The following CYP39A1 variants were observed in gnomAD, a reference collection of about 807,000 sequenced individuals.
The protein encoded by CYP39A1 is cytochrome P450 family 39 subfamily A member 1.
Under a neutral mutation model 58.1 loss-of-function variants are expected in CYP39A1, and 49 were observed. The ratio of observed to expected loss-of-function variants is 0.84; its 90% CI spans 0.67 to 1.07. The LOEUF (loss-of-function observed/expected upper bound fraction) is 1.07, where lower values mean the gene tolerates loss of function less well. CYP39A1 is among the 50% of genes least tolerant of loss of function. The pLI is 0.00. For synonymous variants in CYP39A1, 209 were observed against 187.6 expected (o/e 1.11, Z -0.93); for missense variants, 531 against 539.4 (o/e 0.98, Z 0.16).
chr6:46,606,446 T>A (rs918284995), intron 7 of CYP39A1, among the ~76,000 whole-genome samples: 1 of 152,184 alleles, frequency 6.6e-6, no homozygotes, highest in African/African-American at 2.4e-5. Flanking sequence ...ACCCATACTG[T>A]GCATACTTCA....
rs909718171 is a variant in CYP39A1 at position 46,583,239 on chromosome 6, A to T, written c.1250+3838T>A. On this transcript the variant is annotated intron_variant, in intron 10 of 11. Coordinates refer to ENST00000275016, the MANE Select transcript of CYP39A1 (RefSeq NM_016593.5). ...AAGCAGATTAATCTTGCCAAAGATC[A>T]GGGCTGTTGTTTTACACTGGAGTTT... is the stretch of plus-strand genomic sequence containing the variant. The T allele has an allele frequency of 2.1e-5, 21 of 985,424 alleles. No individual in the cohort carries two copies. In the Admixed American group the frequency reaches 1.0e-3, roughly 49 times the overall value. 61.0% of individuals were successfully genotyped at this position (985,424 alleles called of 1,614,324 possible).
In CYP39A1 at chr6:46,587,097, C is replaced by G. The variant is rs759279289; in HGVS notation, c.1230G>C (p.Gly410=). ...CTGACCTTGCAGGACACTGGAACTT[C>G]CCGCTTCCAAATGCCATGAAGCAGT... ...FLDCFMAFGS[G]KFQCPARWFA... Residue 410 remains glycine (G), a synonymous_variant, in exon 10 of 12, where the codon GGG becomes GGC. Coordinates refer to ENST00000275016, the MANE Select transcript of CYP39A1 (RefSeq NM_016593.5). 3 of 1,611,594 alleles carry G rather than the reference C, an allele frequency of 1.9e-6. No homozygotes were observed. The African/African-American group carries it at 4.0e-5, about 22-fold the overall frequency.
chr6:46,586,435 A>G (rs1054598794), intron 10 of CYP39A1: 16 of 973,382 alleles, frequency 1.6e-5, no homozygotes, highest in East Asian at 1.1e-4. Context: ...GGTCTTCCTC[A>G]GTGCTCTCTG....
intron 1 of CYP39A1, among the ~76,000 whole-genome samples, chr6:46,644,295 T>C (rs887130251): frequency 2.0e-5 from 3 of 152,234 alleles, no homozygotes; most frequent in African/African-American, 7.2e-5. Context: ...CCAAATTGTG[T>C]GTATCAATCA....
intron 7 of CYP39A1, among the ~76,000 whole-genome samples, chr6:46,621,412 T>G (rs1774945970): frequency 6.6e-6 from 1 of 151,946 alleles, no homozygotes; most frequent in Non-Finnish European, 1.5e-5. Flanking sequence ...AAAACAAAAT[T>G]GACAAATATG....
At chr6:46,612,883 G>C (rs1436016247) in intron 7 of CYP39A1, among the ~76,000 whole-genome samples, 2 of 152,184 alleles carry the variant, frequency 1.3e-5, no homozygotes, top group Non-Finnish European at 2.9e-5. Context: ...GTGAGCATGA[G>C]CTTAAGTTCA....
At chr6:46,610,190 A>G (rs1582394256) in intron 7 of CYP39A1, among the ~76,000 whole-genome samples, 1 of 152,302 alleles carries the variant, frequency 6.6e-6, no homozygotes, top group South Asian at 2.1e-4. Context: ...TATAAAGTTG[A>G]TTTTTATTGG....
chr6:46,607,943 G>T (rs1055034462), intron 7 of CYP39A1, among the ~76,000 whole-genome samples: 1 of 152,092 alleles, frequency 6.6e-6, no homozygotes, highest in East Asian at 1.9e-4. Flanking sequence ...AGAACAGCTT[G>T]TTTAAAATAT....
intron 10 of CYP39A1, among the ~76,000 whole-genome samples, chr6:46,566,589 G>T (rs1771294890): frequency 6.6e-6 from 1 of 152,100 alleles, no homozygotes; most frequent in African/African-American, 2.4e-5. Context: ...GACACATGGG[G>T]ATTATGGGGA....
intron 10 of CYP39A1, among the ~76,000 whole-genome samples, chr6:46,565,696 A>C (rs1180089226): frequency 6.6e-6 from 1 of 152,132 alleles, no homozygotes; most frequent in Non-Finnish European, 1.5e-5. Flanking sequence ...GCTTGGACCA[A>C]GGAGCAGGGA....
intron 7 of CYP39A1, among the ~76,000 whole-genome samples, chr6:46,617,166 T>G (rs1048844057): frequency 6.6e-6 from 1 of 152,148 alleles, no homozygotes; most frequent in Non-Finnish European, 1.5e-5. Flanking sequence ...ATCATATTGT[T>G]TTGGAAAACA....
intron 10 of CYP39A1, among the ~76,000 whole-genome samples, chr6:46,584,248 G>A (rs1443256266): frequency 6.6e-6 from 1 of 152,038 alleles, no homozygotes; most frequent in Non-Finnish European, 1.5e-5. Context: ...ACTTGATGAG[G>A]TTTCTTAAAT....
chr6:46,612,244 A>G (rs1774259551), intron 7 of CYP39A1, among the ~76,000 whole-genome samples: 1 of 152,210 alleles, frequency 6.6e-6, no homozygotes. Flanking sequence ...GGTAGAAAAC[A>G]GTGGAAGAAA....
At position 46,609,113 on chromosome 6, in the gene CYP39A1, T is replaced by C. The variant is rs116339960; in HGVS notation, c.932-12993A>G. On this transcript the variant is annotated intron_variant, in intron 7 of 11. Coordinates refer to ENST00000275016, the MANE Select transcript of CYP39A1 (RefSeq NM_016593.5). ...TTTGATTACCGAATAGAAAAATCAA[T>C]TTTAGGGCCAGGCACCGTGGGCTCA... is the stretch of plus-strand genomic sequence containing the variant. Among the ~76,000 whole-genome samples the C allele has an allele frequency of 8.3e-3, 1,259 of 151,866 alleles. 3 individuals carry two copies. Among genetic ancestry groups the C allele is most frequent in the Non-Finnish European group, 0.014 (936 of 67,906 alleles).
rs570334213 is a variant in CYP39A1, at chr6:46,613,584, A to G, written c.931+11834T>C. On this transcript the variant is annotated intron_variant, in intron 7 of 11. Coordinates refer to ENST00000275016, the MANE Select transcript of CYP39A1 (RefSeq NM_016593.5). ...ATTGTTTAAATAAAGGCAAAGTAAA[A>G]CTGATCAGCAAAAAAATAAAATAAA... Among the ~76,000 whole-genome samples the G allele has an allele frequency of 6.6e-5, 10 of 152,326 alleles. No individual in the cohort carries two copies. The South Asian group carries it at 2.1e-3, about 32-fold the overall frequency.
At position 46,550,250 on chromosome 6, in the gene CYP39A1, TA is replaced by T; in HGVS notation, c.*115del. ...GCACCATTTGAATGTGTTCTTGAAC[TA>T]AGTCCTAAAACAAAGTGAAGCAGTG... On this transcript the variant is annotated 3_prime_UTR_variant, in exon 12 of 12. Transcript: ENST00000275016. The T allele has an allele frequency of 1.4e-6, 1 of 722,092 alleles. No homozygotes were observed. Among genetic ancestry groups the T allele is most frequent in the Non-Finnish European group, 2.3e-6 (1 of 437,914 alleles). 44.7% of individuals were successfully genotyped at this position (722,092 alleles called of 1,614,324 possible). A position where few individuals can be genotyped will look rare whatever the true frequency, so the allele number is the denominator to read the frequency against.
intron 7 of CYP39A1, among the ~76,000 whole-genome samples, chr6:46,607,464 TACACACACACAC>T (rs3839568): frequency 6.9e-6 from 1 of 145,512 alleles, no homozygotes; most frequent in East Asian, 2.0e-4. Context: ...CCCTTCCCCC[TACACACACACAC>T]ACACACACAC....
Position 46,636,408 on chromosome 6 carries a change from G to C in CYP39A1, c.713C>G (p.Ser238Cys), listed in dbSNP as rs147866724. ...ACTTACCATGGAATTATCTTTTGCA[G>C]ATTTACATGCTTTTATATCTGGAAT... Reference protein sequence around the residue: ...KNIPDIKACKSAKDNSMTLLQ... With the variant: ...KNIPDIKACKCAKDNSMTLLQ... Residue 238 changes from serine to cysteine, a missense_variant, in exon 5 of 12, where the codon TCT becomes TGT. Transcript: ENST00000275016. The C allele has an allele frequency of 4.0e-3, 6,455 of 1,605,750 alleles. 15 individuals carry two copies. The highest frequency in any genetic ancestry group is 4.9e-3 in the Non-Finnish European group (5,723 of 1,176,186).
At chr6:46,566,629 T>C (rs1203299773) in intron 10 of CYP39A1, among the ~76,000 whole-genome samples, 1 of 152,038 alleles carries the variant, frequency 6.6e-6, no homozygotes, top group Non-Finnish European at 1.5e-5. Context: ...CAATGAGATT[T>C]GGGTGGGGAC....
Sources: allele counts gnomAD v4.1 joint callset (sites outside exome capture counted in the v4.1 genomes callset), GRCh38; gene constraint gnomAD v4.1.1; transcripts MANE v1.5; gene names NCBI Gene and HGNC (gene_info 2026-07-23, HGNC 2026-07-21).